The following AGTRAP variants were observed in gnomAD, a reference collection of about 807,000 sequenced individuals.
AGTRAP encodes type-1 angiotensin II receptor-associated protein.
In AGTRAP, 7 loss-of-function variants were observed where a neutral mutation model predicts 15.2. That is an observed-to-expected ratio of 0.46 (90% CI 0.26 to 0.87). The LOEUF (loss-of-function observed/expected upper bound fraction) is 0.87, where lower values mean the gene tolerates loss of function less well. Ranked by LOEUF, AGTRAP falls within the 40% of genes least tolerant of loss-of-function variation. The pLI is 0.15. For missense variants in AGTRAP, 187 were observed against 213.4 expected (o/e 0.88, Z 0.77); for synonymous variants, 74 against 89.6 (o/e 0.83, Z 0.98).
chr1:11,742,471 TC>T (rs1341660832), intron 1 of AGTRAP, among the ~76,000 whole-genome samples: 9 of 151,840 alleles, frequency 5.9e-5, no homozygotes, highest in Non-Finnish European at 1.2e-4. Context: ...CTTCTTTCCT[TC>T]CTTTTCTTTC....
chr1:11,742,989 T>G (rs1407613234), intron 1 of AGTRAP, among the ~76,000 whole-genome samples: 1 of 152,190 alleles, frequency 6.6e-6, no homozygotes, highest in Non-Finnish European at 1.5e-5. Flanking sequence ...CTCAATCCCT[T>G]GAGTAAACTT....
At chr1:11,739,927 C>T (rs949865530) in intron 1 of AGTRAP, among the ~76,000 whole-genome samples, 22 of 152,338 alleles carry the variant, frequency 1.4e-4, no homozygotes, top group African/African-American at 5.3e-4. Flanking sequence ...GAGGCCTTGG[C>T]GCCTGGACCA....
intron 2 of AGTRAP, chr1:11,746,135 G>A (rs749652449): frequency 6.2e-7 from 1 of 1,613,614 alleles, no homozygotes; most frequent in South Asian, 1.1e-5. Flanking sequence ...AGCTTCTGGA[G>A]ACATTTCTCT....
chr1:11,736,145 C>A lies in AGTRAP; in HGVS notation c.-64C>A, dbSNP rs1415827885. 6 of 1,563,016 alleles carry A rather than the reference C, an allele frequency of 3.8e-6. No individual in the cohort carries two copies. The highest frequency in any genetic ancestry group is 1.9e-5 in the Admixed American group (1 of 51,958). On this transcript the variant is annotated 5_prime_UTR_variant, in exon 1 of 5. Coordinates refer to ENST00000314340, the MANE Select transcript of AGTRAP (RefSeq NM_020350.5). Reference sequence around the variant, plus strand: ...CGGGGCGGGGCCGGGCAAGTTTGTTCCCCGAGTTCGGAGCCTAGGAGCCCC... The same window carrying A: ...CGGGGCGGGGCCGGGCAAGTTTGTTACCCGAGTTCGGAGCCTAGGAGCCCC...
At chr1:11,744,193 TA>T (rs1219772023) in intron 1 of AGTRAP, among the ~76,000 whole-genome samples, 3 of 152,134 alleles carry the variant, frequency 2.0e-5, no homozygotes, top group Non-Finnish European at 4.4e-5. Flanking sequence ...GAGGATCACT[TA>T]AGCCCAGGAG....
rs1375598387 is a variant in AGTRAP at position 11,748,632 on chromosome 1, A to T, written c.364+22A>T. On this transcript the variant is annotated intron_variant, in intron 4 of 4. Coordinates refer to ENST00000314340, the MANE Select transcript of AGTRAP (RefSeq NM_020350.5). ...ACTGGTGAGGCCACCACCTCCAGCCAGCTCCTCACCGCTCCCTTCTCTCCC... is the reference window on the plus strand; with the variant it reads ...ACTGGTGAGGCCACCACCTCCAGCCTGCTCCTCACCGCTCCCTTCTCTCCC... 1.9e-6 allele frequency: 3 copies of T among 1,597,888 alleles called. No homozygotes were observed. In the South Asian group the frequency reaches 3.3e-5, roughly 18 times the overall value.
chr1:11,736,216 TGCCTGCTGTGAACCTGAAGGTG>T lies in AGTRAP; in HGVS notation c.11_27+5del. 6.2e-7 allele frequency: 1 copy of T among 1,607,616 alleles called. No individual in the cohort carries two copies. On this transcript the variant is annotated splice_donor_variant and splice_donor_region_variant and coding_sequence_variant and intron_variant, in exon 1 of 5. Transcript: ENST00000314340. LOFTEE classifies it high-confidence loss of function. ...CCCTCGGCCTGAGTCGGGATGGAGC[TGCCTGCTGTGAACCTGAAGGTG>T]GCGACGGGCTGGGGGGAGGGTCCCC... is the stretch of plus-strand genomic sequence containing the variant.
chr1:11,745,685 C>A lies in AGTRAP; in HGVS notation c.28-118C>A. The A allele has an allele frequency of 9.3e-7, 1 of 1,070,990 alleles. No homozygotes were observed. The highest frequency in any genetic ancestry group is 1.4e-6 in the Non-Finnish European group (1 of 691,268). 66.3% of individuals were successfully genotyped at this position (1,070,990 alleles called of 1,614,324 possible). A position where few individuals can be genotyped will look rare whatever the true frequency, so the allele number is the denominator to read the frequency against. On this transcript the variant is annotated intron_variant, in intron 1 of 4. Transcript: ENST00000314340. The surrounding 1 kb of genome is among the most constrained non-coding windows in gnomAD (Gnocchi z 4.2). ...TGGTGTGCCTTTTCAACAGACATTA[C>A]TGAGGCCCTCAGAGGTGCCAGGCGC...
Position 11,747,380 on chromosome 1 carries a change from G to A in AGTRAP, c.63-60G>A, listed in dbSNP as rs1431283360. The A allele has an allele frequency of 3.5e-5, 52 of 1,481,714 alleles. 1 individual carries two copies. The highest frequency in any genetic ancestry group is 9.4e-7 in the Non-Finnish European group (1 of 1,060,434). 91.8% of individuals were successfully genotyped at this position (1,481,714 alleles called of 1,614,324 possible). A position where few individuals can be genotyped will look rare whatever the true frequency, so the allele number is the denominator to read the frequency against. ...AGGAGGCCCTGAGACGCCGGAGCAGGAGGGAGGTGACCTGCGGGGTGGTGG... is the reference window on the plus strand; with the variant it reads ...AGGAGGCCCTGAGACGCCGGAGCAGAAGGGAGGTGACCTGCGGGGTGGTGG... On this transcript the variant is annotated intron_variant, in intron 2 of 4. Coordinates refer to ENST00000314340, the MANE Select transcript of AGTRAP (RefSeq NM_020350.5).
At chr1:11,746,148 C>G (rs375915810) in intron 2 of AGTRAP, 1 of 1,613,754 alleles carries the variant, frequency 6.2e-7, no homozygotes, top group South Asian at 1.1e-5. Context: ...ATTTCTCTGC[C>G]AAACCAAGAC....
chr1:11,743,250 C>CT (rs71568348), intron 1 of AGTRAP, among the ~76,000 whole-genome samples: 2,349 of 145,912 alleles, frequency 0.016, 39 homozygotes, highest in African/African-American at 0.039. Flanking sequence ...CTTTTCTTTT[C>CT]TTTTTTTTTT....
At chr1:11,747,640 C>T (rs1432368323) in intron 3 of AGTRAP, 95 bp downstream of exon 3, 6 of 1,313,926 alleles carry the variant, frequency 4.6e-6, no homozygotes, top group Non-Finnish European at 5.4e-6. Context: ...CCCAATCTTC[C>T]CCCTCTTCCT....
intron 1 of AGTRAP, among the ~76,000 whole-genome samples, chr1:11,742,901 C>T (rs1271023604): frequency 6.6e-6 from 1 of 152,228 alleles, no homozygotes; most frequent in African/African-American, 2.4e-5. Flanking sequence ...CGGCCTTCTT[C>T]GCAAACCTTG....
At chr1:11,746,158 C>G in intron 2 of AGTRAP, 1 of 1,613,846 alleles carries the variant, frequency 6.2e-7, no homozygotes, top group South Asian at 1.1e-5. Context: ...CAAACCAAGA[C>G]TGGAAACCAT....
Position 11,750,589 on chromosome 1 carries a change from G to A in AGTRAP, c.*397G>A. 5 of 455,938 alleles carry A rather than the reference G, an allele frequency of 1.1e-5. 1 individual carries two copies. The South Asian group carries it at 1.5e-4, about 13-fold the overall frequency. The allele number at this position is 455,938 out of a possible 1,614,324, so 28.2% of individuals were successfully genotyped here. On this transcript the variant is annotated 3_prime_UTR_variant, in exon 5 of 5. Coordinates refer to ENST00000314340, the MANE Select transcript of AGTRAP (RefSeq NM_020350.5). ...TTTGGTGGAAGCCCTGAGAGCTTCAGGTCCTGCTCAGCCCGAGGAGCAGTC... is the reference window on the plus strand; with the variant it reads ...TTTGGTGGAAGCCCTGAGAGCTTCAAGTCCTGCTCAGCCCGAGGAGCAGTC...
At chr1:11,742,431 CCCTTCCTTCGTT>C (rs1642053892) in intron 1 of AGTRAP, among the ~76,000 whole-genome samples, 2 of 144,824 alleles carry the variant, frequency 1.4e-5, no homozygotes, top group South Asian at 4.5e-4. Flanking sequence ...TCCCTTCTTT[CCCTTCCTTCGTT>C]CCTTCCTTCC....
chr1:11,749,510 C>A (rs17875956), intron 4 of AGTRAP, among the ~76,000 whole-genome samples: 3,439 of 152,304 alleles, frequency 0.023, 108 homozygotes, highest in African/African-American at 0.055. Context: ...TTCAGGGTCC[C>A]GGGATGAATG....
chr1:11,739,477 G>A lies in AGTRAP; in HGVS notation c.27+3242G>A, dbSNP rs139447840. 4.7e-3 allele frequency among the ~76,000 whole-genome samples: 715 copies of A among 152,188 alleles called. 12 individuals are homozygous for A. The highest frequency in any genetic ancestry group is 0.017 in the African/African-American group (693 of 41,514). On this transcript the variant is annotated intron_variant, in intron 1 of 4. Transcript: ENST00000314340. Reference sequence around the variant, plus strand: ...GAGGCACCGAGGATCACTTGAACACGGGAGGCAGAGGTTGCAGTGAGCCGA... The same window carrying A: ...GAGGCACCGAGGATCACTTGAACACAGGAGGCAGAGGTTGCAGTGAGCCGA...
chr1:11,736,891 G>T (rs375720359), intron 1 of AGTRAP, among the ~76,000 whole-genome samples: 9 of 152,118 alleles, frequency 5.9e-5, no homozygotes, highest in African/African-American at 2.2e-4. Context: ...GGGTGCCAGC[G>T]GCTGTTCTTT....
Sources: gnomAD v4.1 joint callset for allele counts (sites outside exome capture counted in the v4.1 genomes callset) on GRCh38, gnomAD v4.1.1 for gene constraint, Gnocchi (gnomAD v3.1) non-coding constraint, MANE v1.5 for transcripts, NCBI Gene and HGNC (gene_info 2026-07-23, HGNC 2026-07-21) for gene names.